The following CRYL1 variants were observed in gnomAD, a reference collection of about 807,000 sequenced individuals.
CRYL1 encodes crystallin lambda 1, also known as lambda-crystallin homolog.
CRYL1 carries 29 observed loss-of-function variants against 36.6 expected under a neutral mutation model. The ratio of observed to expected loss-of-function variants is 0.79; its 90% CI spans 0.59 to 1.08. The LOEUF (loss-of-function observed/expected upper bound fraction) is 1.08, where lower values mean the gene tolerates loss of function less well. Among genes scored for constraint, CRYL1 ranks in the 50% least tolerant of loss-of-function variants. CRYL1 has a pLI of 0.00. For missense variants in CRYL1, 411 were observed against 407.9 expected (o/e 1.01, Z -0.06); for synonymous variants, 152 against 151.5 (o/e 1.00, Z -0.02).
intron 1 of CRYL1, among the ~76,000 whole-genome samples, chr13:20,515,075 G>A (rs1284441540): frequency 6.6e-6 from 1 of 152,144 alleles, no homozygotes; most frequent in African/African-American, 2.4e-5. Context: ...ATGCTAAGTG[G>A]AAGAAACCAG....
chr13:20,422,839 TG>T (rs1185870735), intron 5 of CRYL1, among the ~76,000 whole-genome samples: 1 of 152,222 alleles, frequency 6.6e-6, no homozygotes, highest in African/African-American at 2.4e-5. Context: ...ACTGGAAGTT[TG>T]ATAGGGATTG....
At position 20,460,238 on chromosome 13, in the gene CRYL1, A is replaced by T. The variant is rs189250593; in HGVS notation, c.277-20484T>A. ...TACTGTGATTTAATCCTTGCACCAC[A>T]TTACATATATATGTATATGTGTGTG... On this transcript the variant is annotated intron_variant, in intron 3 of 7. Transcript: ENST00000298248. 2.6e-5 allele frequency among the ~76,000 whole-genome samples: 4 copies of T among 152,322 alleles called. No individual in the cohort carries two copies. In the East Asian group the frequency reaches 7.7e-4, roughly 29 times the overall value.
intron 2 of CRYL1, among the ~76,000 whole-genome samples, chr13:20,490,896 T>C (rs931976016): frequency 8.5e-5 from 13 of 152,098 alleles, no homozygotes; most frequent in African/African-American, 2.4e-4. Context: ...TTTGTTTTGA[T>C]TTGATTTTTT....
chr13:20,420,410 A>G (rs1304605726), intron 5 of CRYL1, among the ~76,000 whole-genome samples: 1 of 151,762 alleles, frequency 6.6e-6, no homozygotes, highest in African/African-American at 2.4e-5. Flanking sequence ...GGCTGAGCCC[A>G]CTCCCAGAAT....
At chr13:20,447,497 T>A (rs1243854393) in intron 3 of CRYL1, among the ~76,000 whole-genome samples, 4 of 151,830 alleles carry the variant, frequency 2.6e-5, no homozygotes, top group Non-Finnish European at 5.9e-5. Flanking sequence ...CTCCTACTAC[T>A]AAATCAGAGC....
Position 20,413,312 on chromosome 13 carries a change from G to A in CRYL1, c.709C>T (p.Pro237Ser). ...GCATTGAGATGCATGGTTTCCAGGG[G>A]TCCAATGAATGCATACCGCATGCCC... ...GLGMRYAFIG[P>S]LETMHLNAEG... The change falls in exon 6 of 8, where the codon CCC becomes TCC. Residue 237 changes from proline to serine, a missense_variant. Physicochemically the swap from Pro to Ser is moderately conservative, Grantham distance 74 (BLOSUM62 -1). Coordinates refer to ENST00000298248, the MANE Select transcript of CRYL1 (RefSeq NM_015974.3). 1.2e-6 allele frequency: 2 copies of A among 1,613,364 alleles called. No homozygotes were observed. The highest frequency in any genetic ancestry group is 1.1e-5 in the South Asian group (1 of 91,046).
At chr13:20,447,051 T>C (rs567182851) in intron 3 of CRYL1, among the ~76,000 whole-genome samples, 1 of 152,376 alleles carries the variant, frequency 6.6e-6, no homozygotes, top group East Asian at 1.9e-4. Context: ...CTTTTGGAGC[T>C]GCACACAGAT....
In CRYL1 at chr13:20,404,060, G is replaced by A; in HGVS notation, c.*69C>T. On this transcript the variant is annotated 3_prime_UTR_variant, in exon 8 of 8. Transcript: ENST00000298248. ...GCTGCTACCTATGTCACAGAGGGCT[G>A]ATTAAGGGCTTGCAGTGTTCCCAAA... 4.6e-6 allele frequency: 5 copies of A among 1,097,546 alleles called. No homozygotes were observed. The highest frequency in any genetic ancestry group is 1.3e-5 in the South Asian group (1 of 77,622). 68.0% of individuals were successfully genotyped at this position (1,097,546 alleles called of 1,614,324 possible).
rs1038934157 is a variant in CRYL1, at chr13:20,477,809, T to C, written c.276+11561A>G. On this transcript the variant is annotated intron_variant, in intron 3 of 7. Coordinates refer to ENST00000298248, the MANE Select transcript of CRYL1 (RefSeq NM_015974.3). ...ATATATAATATTCCATTATGTATTC[T>C]ATTATATATTATACTAAAATATAAT... Among the ~76,000 whole-genome samples, 7 of 146,078 alleles carry C rather than the reference T, an allele frequency of 4.8e-5. 1 individual carries two copies. The South Asian group carries it at 8.4e-4, about 18-fold the overall frequency.
rs1035042075 is a variant in CRYL1, at chr13:20,431,623, T to C, written c.633+479A>G. The C allele has an allele frequency of 3.8e-6, 4 of 1,050,060 alleles. No homozygotes were observed. The African/African-American group carries it at 5.1e-5, about 13-fold the overall frequency. The allele number at this position is 1,050,060 out of a possible 1,614,324, so 65.0% of individuals were successfully genotyped here. On this transcript the variant is annotated intron_variant, in intron 5 of 7. Transcript: ENST00000298248. ...AATATATTTACATATCATTTCCTCT[T>C]TATAGGTAAGACAAGCATTTACTCT...
At chr13:20,483,983 A>C in intron 3 of CRYL1, among the ~76,000 whole-genome samples, 1 of 152,168 alleles carries the variant, frequency 6.6e-6, no homozygotes, top group Admixed American at 6.5e-5. Flanking sequence ...CACCTGGCTA[A>C]TTTTTTGTAT....
chr13:20,483,267 C>A (rs1473198632), intron 3 of CRYL1, among the ~76,000 whole-genome samples: 1 of 152,168 alleles, frequency 6.6e-6, no homozygotes, highest in African/African-American at 2.4e-5. Context: ...ACACACTGAA[C>A]ACACAAATCA....
intron 3 of CRYL1, among the ~76,000 whole-genome samples, chr13:20,474,722 G>A (rs1362509132): frequency 3.9e-5 from 6 of 152,150 alleles, no homozygotes; most frequent in Non-Finnish European, 7.4e-5. Context: ...TGTCCAGGGG[G>A]ACACACACAA....
intron 3 of CRYL1, among the ~76,000 whole-genome samples, chr13:20,480,585 A>G (rs4769117): frequency 0.76 from 116,066 of 152,146 alleles, 44,622 homozygotes; most frequent in African/African-American, 0.85. Context: ...GGTAGAGGCC[A>G]AAGAGAACAA....
intron 5 of CRYL1, among the ~76,000 whole-genome samples, chr13:20,419,611 C>T (rs189210152): frequency 5.9e-5 from 9 of 151,622 alleles, no homozygotes; most frequent in Admixed American, 2.6e-4. Context: ...TTTTTAGTAG[C>T]GATGGGGTTT....
chr13:20,507,214 T>C (rs1420234579), intron 2 of CRYL1, among the ~76,000 whole-genome samples: 1 of 152,204 alleles, frequency 6.6e-6, no homozygotes, highest in Non-Finnish European at 1.5e-5. Flanking sequence ...ACCGGATGGT[T>C]TTTACATTTT....
intron 3 of CRYL1, among the ~76,000 whole-genome samples, chr13:20,474,500 A>G (rs920969280): frequency 1.3e-5 from 2 of 152,180 alleles, no homozygotes; most frequent in Admixed American, 1.3e-4. Context: ...GTCAGCCCCT[A>G]TTTGACAAGA....
chr13:20,486,017 C>A (rs1341259440), intron 3 of CRYL1, among the ~76,000 whole-genome samples: 5 of 152,114 alleles, frequency 3.3e-5, no homozygotes, highest in African/African-American at 1.2e-4. Flanking sequence ...CTCCCAGACT[C>A]AGGAAATCCT....
At chr13:20,511,041 G>A (rs533514507) in intron 2 of CRYL1, among the ~76,000 whole-genome samples, 14 of 151,978 alleles carry the variant, frequency 9.2e-5, no homozygotes, top group East Asian at 7.7e-4. Context: ...GTGGTTTTTC[G>A]GTGTTGTTTT....
Sources: gnomAD v4.1 joint callset for allele counts (sites outside exome capture counted in the v4.1 genomes callset) on GRCh38, gnomAD v4.1.1 for gene constraint, MANE v1.5 for transcripts, NCBI Gene and HGNC (gene_info 2026-07-23, HGNC 2026-07-21) for gene names.